Variants in LHFPL2 observed in about 807,000 individuals in gnomAD.
The protein encoded by LHFPL2 is LHFPL tetraspan subfamily member 2.
LHFPL2 carries 7 observed loss-of-function variants against 17.5 expected under a neutral mutation model. The observed-to-expected ratio is 0.40, with a 90% CI of 0.23 to 0.75. The LOEUF (loss-of-function observed/expected upper bound fraction) is 0.75, where lower values mean the gene tolerates loss of function less well. LHFPL2 is among the 30% of genes least tolerant of loss of function. The pLI, the probability that LHFPL2 is intolerant of heterozygous loss-of-function variation, is 0.37. For missense variants in LHFPL2, 241 were observed against 294.8 expected (o/e 0.82, Z 1.34); for synonymous variants, 134 against 116.2 (o/e 1.15, Z -0.99).
chr5:78,645,507 T>G (rs77041967), intron 1 of LHFPL2, among the ~76,000 whole-genome samples: 2,466 of 149,842 alleles, frequency 0.016, 64 homozygotes, highest in African/African-American at 0.057. Flanking sequence ...AAACTGGGAA[T>G]TGCATCATTA....
At chr5:78,647,210 C>T (rs1745916666) in intron 1 of LHFPL2, among the ~76,000 whole-genome samples, 1 of 152,160 alleles carries the variant, frequency 6.6e-6, no homozygotes, top group Non-Finnish European at 1.5e-5. Flanking sequence ...AAAAACATTT[C>T]CTCTTCCCGC....
chr5:78,533,510 TA>T (rs1375616401), intron 3 of LHFPL2, among the ~76,000 whole-genome samples: 2 of 152,206 alleles, frequency 1.3e-5, no homozygotes, highest in Non-Finnish European at 2.9e-5. Flanking sequence ...AAGGTAAGTA[TA>T]AGCACAGCTC....
chr5:78,618,603 A>G (rs1467710081), intron 2 of LHFPL2, among the ~76,000 whole-genome samples: 1 of 152,234 alleles, frequency 6.6e-6, no homozygotes, highest in African/African-American at 2.4e-5. Flanking sequence ...CTTGAAGAGC[A>G]GTGTTCCTTC....
At chr5:78,619,740 G>C (rs1358499167) in intron 2 of LHFPL2, among the ~76,000 whole-genome samples, 4 of 140,142 alleles carry the variant, frequency 2.9e-5, no homozygotes, top group Non-Finnish European at 4.6e-5. Flanking sequence ...CCACCTATGA[G>C]TGAGAACATG....
At chr5:78,639,514 T>C (rs1745590118) in intron 1 of LHFPL2, among the ~76,000 whole-genome samples, 1 of 152,118 alleles carries the variant, frequency 6.6e-6, no homozygotes, top group Non-Finnish European at 1.5e-5. Context: ...AATTATGAGT[T>C]TTCACTGCAG....
At chr5:78,503,422 G>A (rs1754833130) in intron 4 of LHFPL2, among the ~76,000 whole-genome samples, 1 of 152,168 alleles carries the variant, frequency 6.6e-6, no homozygotes, top group African/African-American at 2.4e-5. Context: ...TCTTGGCCAG[G>A]TGCGGTGGCT....
intron 3 of LHFPL2, among the ~76,000 whole-genome samples, chr5:78,517,983 G>A (rs528947181): frequency 6.6e-6 from 1 of 152,308 alleles, no homozygotes; most frequent in East Asian, 1.9e-4. Context: ...CAGGCAGGAG[G>A]GGCTGAATAA....
At chr5:78,628,531 G>A (rs1322994374) in intron 2 of LHFPL2, among the ~76,000 whole-genome samples, 2 of 152,184 alleles carry the variant, frequency 1.3e-5, no homozygotes, top group Non-Finnish European at 2.9e-5. Flanking sequence ...CCGCTCAAAG[G>A]AGCAGCAGCC....
At chr5:78,566,666 C>T (rs1325498743) in intron 2 of LHFPL2, among the ~76,000 whole-genome samples, 1 of 152,172 alleles carries the variant, frequency 6.6e-6, no homozygotes, top group African/African-American at 2.4e-5. Context: ...GCATGTTGGC[C>T]AGGCTGGTCT....
At chr5:78,639,231 G>T (rs1303920660) in intron 1 of LHFPL2, among the ~76,000 whole-genome samples, 1 of 152,116 alleles carries the variant, frequency 6.6e-6, no homozygotes, top group Non-Finnish European at 1.5e-5. Flanking sequence ...CCTGACTACA[G>T]CTCTTTTTGG....
rs550709377 is a variant in LHFPL2 at position 78,601,731 on chromosome 5, C to T, written c.-245+30533G>A. Among the ~76,000 whole-genome samples, 3 of 152,262 alleles carry T rather than the reference C, an allele frequency of 2.0e-5. No individual in the cohort carries two copies. In the South Asian group the frequency reaches 6.2e-4, roughly 32 times the overall value. Reference sequence around the variant, plus strand: ...CATTAGGCCATCTGCAAACGTGCTGCAGAAAGAAGAGAAGCCAGAGGACTT... The same window carrying T: ...CATTAGGCCATCTGCAAACGTGCTGTAGAAAGAAGAGAAGCCAGAGGACTT... On this transcript the variant is annotated intron_variant, in intron 2 of 4. Coordinates refer to ENST00000380345, the MANE Select transcript of LHFPL2 (RefSeq NM_005779.3).
intron 1 of LHFPL2, among the ~76,000 whole-genome samples, chr5:78,635,965 C>G (rs1039530029): frequency 6.6e-6 from 1 of 151,456 alleles, no homozygotes; most frequent in East Asian, 1.9e-4. Context: ...CCAAATGCAT[C>G]GTAAATTATA....
intron 2 of LHFPL2, among the ~76,000 whole-genome samples, chr5:78,620,204 G>A (rs1744798447): frequency 6.9e-6 from 1 of 145,860 alleles, no homozygotes; most frequent in African/African-American, 2.6e-5. Context: ...CATTCTAACT[G>A]GTGTGAGATG....
chr5:78,557,535 A>G (rs1301386430), intron 3 of LHFPL2, among the ~76,000 whole-genome samples: 5 of 152,232 alleles, frequency 3.3e-5, no homozygotes, highest in African/African-American at 1.2e-4. Flanking sequence ...CAAGGCAGCC[A>G]GAGGAGACCA....
chr5:78,574,685 G>T (rs1757084804), intron 2 of LHFPL2, among the ~76,000 whole-genome samples: 1 of 152,236 alleles, frequency 6.6e-6, no homozygotes, highest in African/African-American at 2.4e-5. Flanking sequence ...ACAATTGATT[G>T]AAGTCCTTTT....
In LHFPL2 at chr5:78,488,679, C is replaced by T. The variant is rs987480923; in HGVS notation, c.*218G>A. ...GCAACTCCAGGTCTAGGATTATATA[C>T]TATTTTCATGTTCCATTCCTTATAA... On this transcript the variant is annotated 3_prime_UTR_variant, in exon 5 of 5. Coordinates refer to ENST00000380345, the MANE Select transcript of LHFPL2 (RefSeq NM_005779.3). The T allele has an allele frequency of 3.5e-6, 2 of 574,620 alleles. No individual in the cohort carries two copies. The highest frequency in any genetic ancestry group is 6.2e-6 in the Non-Finnish European group (2 of 322,420). 35.6% of individuals were successfully genotyped at this position (574,620 alleles called of 1,614,324 possible). A position where few individuals can be genotyped will look rare whatever the true frequency, so the allele number is the denominator to read the frequency against.
At chr5:78,509,751 C>T in intron 4 of LHFPL2, 33 bp downstream of exon 4, 3 of 1,590,896 alleles carry the variant, frequency 1.9e-6, no homozygotes, top group Non-Finnish European at 2.6e-6. Context: ...TCCATCCCTC[C>T]ATCCCACCGT....
At chr5:78,559,762 C>A (rs1436205320) in intron 3 of LHFPL2, among the ~76,000 whole-genome samples, 1 of 152,144 alleles carries the variant, frequency 6.6e-6, no homozygotes, top group Non-Finnish European at 1.5e-5. Context: ...TTGACTGCTT[C>A]CAAATCGATG....
intron 3 of LHFPL2, among the ~76,000 whole-genome samples, chr5:78,519,101 T>TCC (rs1345137952): frequency 6.6e-6 from 1 of 151,772 alleles, no homozygotes; most frequent in African/African-American, 2.4e-5. Context: ...GCTACCTTGC[T>TCC]CCCCAACATG....
Sources: allele counts gnomAD v4.1 joint callset (sites outside exome capture counted in the v4.1 genomes callset), GRCh38; gene constraint gnomAD v4.1.1; transcripts MANE v1.5; gene names NCBI Gene and HGNC (gene_info 2026-07-23, HGNC 2026-07-21).